The following SCD5 variants were observed in gnomAD, a reference collection of about 807,000 sequenced individuals.
SCD5 encodes the protein acyl-CoA-desaturase 4.
In SCD5, 20 loss-of-function variants were observed where a neutral mutation model predicts 30.4. The ratio of observed to expected loss-of-function variants is 0.66; its 90% CI spans 0.46 to 0.96. The LOEUF (loss-of-function observed/expected upper bound fraction) is 0.96, where lower values mean the gene tolerates loss of function less well. Ranked by LOEUF, SCD5 falls within the 40% of genes least tolerant of loss-of-function variation. The pLI, the probability that SCD5 is intolerant of heterozygous loss-of-function variation, is 0.00. For synonymous variants in SCD5, 173 were observed against 176.4 expected, an observed-to-expected ratio of 0.98 and a Z score of 0.16; for missense variants, 381 against 443.3, an observed-to-expected ratio of 0.86 and a Z score of 1.26.
In SCD5 at chr4:82,798,539, G is replaced by T. The variant is rs752361926; in HGVS notation, c.-2C>A. 1 of 1,580,422 alleles carries T rather than the reference G, an allele frequency of 6.3e-7. No individual in the cohort carries two copies. On this transcript the variant is annotated 5_prime_UTR_variant, in exon 1 of 5. Coordinates refer to ENST00000319540, the MANE Select transcript of SCD5 (RefSeq NM_001037582.3). ...CGCGTCGGTGGCCGGGCCTGGCATG[G>T]CTGGGCGAGGTGGGCGCCCGCAGCA...
intron 1 of SCD5, among the ~76,000 whole-genome samples, chr4:82,788,401 A>C (rs1006682051): frequency 5.9e-5 from 9 of 151,990 alleles, no homozygotes; most frequent in Non-Finnish European, 1.2e-4. Context: ...CTTTTTTTAA[A>C]ATCTTTTTTA....
At position 82,672,657 on chromosome 4, in the gene SCD5, T is replaced by G. The variant is rs139149557; in HGVS notation, c.569+8050A>C. ...TATAATTTCTAAAAGAGAGAATTTC[T>G]TTTTTAGAAAATAAAAGCAGAGGGA... On this transcript the variant is annotated intron_variant, in intron 3 of 4. Transcript: ENST00000319540. Among the ~76,000 whole-genome samples the G allele has an allele frequency of 3.7e-3, 567 of 152,250 alleles. 8 individuals are homozygous for G. The highest frequency in any genetic ancestry group is 0.013 in the African/African-American group (538 of 41,566).
rs529808205 is a variant in SCD5 at position 82,732,180 on chromosome 4, A to G, written c.233-26767T>C. ...CAGTGGTGTGATCTCAGCTCACTGCAACCTCTGCCTCCCGAGTTCAAGCGA... is the reference window on the plus strand; with the variant it reads ...CAGTGGTGTGATCTCAGCTCACTGCGACCTCTGCCTCCCGAGTTCAAGCGA... On this transcript the variant is annotated intron_variant, in intron 1 of 4. Transcript: ENST00000319540. Among the ~76,000 whole-genome samples the G allele has an allele frequency of 9.9e-5, 15 of 151,960 alleles. No homozygotes were observed. In the East Asian group the frequency reaches 2.5e-3, roughly 26 times the overall value.
intron 1 of SCD5, among the ~76,000 whole-genome samples, chr4:82,742,010 G>A (rs1176448892): frequency 6.6e-6 from 1 of 151,350 alleles, no homozygotes; most frequent in Non-Finnish European, 1.5e-5. Flanking sequence ...AAACCGGGAG[G>A]TGGAGCTTGC....
intron 1 of SCD5, among the ~76,000 whole-genome samples, chr4:82,739,110 C>T (rs1560549048): frequency 6.6e-6 from 1 of 152,168 alleles, no homozygotes; most frequent in Non-Finnish European, 1.5e-5. Context: ...GACTTTGGGG[C>T]CAAATGCAAA....
intron 1 of SCD5, among the ~76,000 whole-genome samples, chr4:82,743,738 T>C (rs1430460420): frequency 6.6e-6 from 1 of 151,658 alleles, no homozygotes; most frequent in Non-Finnish European, 1.5e-5. Context: ...CCCAGGCTAG[T>C]CTTGAACTCC....
At chr4:82,661,076 T>C (rs1394193908) in intron 3 of SCD5, 1 of 1,612,890 alleles carries the variant, frequency 6.2e-7, no homozygotes, top group East Asian at 2.2e-5. Context: ...ATGTGCTGTG[T>C]ACTGATAAAA....
intron 3 of SCD5, among the ~76,000 whole-genome samples, chr4:82,642,162 C>A (rs1727559394): frequency 6.6e-6 from 1 of 151,934 alleles, no homozygotes; most frequent in African/African-American, 2.4e-5. Context: ...TTTATAACCT[C>A]TTTTGCAGGA....
intron 1 of SCD5, among the ~76,000 whole-genome samples, chr4:82,722,353 T>C (rs1281518228): frequency 1.3e-5 from 2 of 152,204 alleles, no homozygotes; most frequent in African/African-American, 2.4e-5. Flanking sequence ...GAGTGGTTGG[T>C]TGTGAATATT....
At chr4:82,750,968 T>C (rs1721089958) in intron 1 of SCD5, among the ~76,000 whole-genome samples, 1 of 152,176 alleles carries the variant, frequency 6.6e-6, no homozygotes, top group South Asian at 2.1e-4. Context: ...TAGATCCGTG[T>C]TCCCTCCTCT....
At chr4:82,767,756 TA>T (rs1721525008) in intron 1 of SCD5, among the ~76,000 whole-genome samples, 1 of 152,192 alleles carries the variant, frequency 6.6e-6, no homozygotes, top group African/African-American at 2.4e-5. Flanking sequence ...TTTTCCTCTA[TA>T]TTTTTTGACA....
At chr4:82,750,999 C>T (rs1002897380) in intron 1 of SCD5, among the ~76,000 whole-genome samples, 1 of 152,170 alleles carries the variant, frequency 6.6e-6, no homozygotes, top group Non-Finnish European at 1.5e-5. Context: ...ACATATTAAC[C>T]TCTGTGACTA....
At chr4:82,731,976 C>T (rs1044016459) in intron 1 of SCD5, among the ~76,000 whole-genome samples, 2 of 152,190 alleles carry the variant, frequency 1.3e-5, no homozygotes, top group African/African-American at 4.8e-5. Flanking sequence ...CCTCACAATT[C>T]CAACCATGAA....
intron 1 of SCD5, among the ~76,000 whole-genome samples, chr4:82,770,508 G>A (rs1721597123): frequency 6.6e-6 from 1 of 152,004 alleles, no homozygotes; most frequent in Non-Finnish European, 1.5e-5. Flanking sequence ...GCATTTCTAG[G>A]GATTTCATCC....
chr4:82,786,206 C>T (rs1195575227), intron 1 of SCD5, among the ~76,000 whole-genome samples: 21 of 152,132 alleles, frequency 1.4e-4, no homozygotes, highest in Non-Finnish European at 2.1e-4. Flanking sequence ...TCTTACACAA[C>T]GGGTGGCCCA....
chr4:82,693,734 T>C (rs1310027659), intron 2 of SCD5, among the ~76,000 whole-genome samples: 1 of 152,134 alleles, frequency 6.6e-6, no homozygotes, highest in Non-Finnish European at 1.5e-5. Flanking sequence ...CCAGAGCCTC[T>C]GGTTCTGAGT....
intron 1 of SCD5, among the ~76,000 whole-genome samples, chr4:82,721,854 T>C (rs1371560642): frequency 6.6e-6 from 1 of 152,224 alleles, no homozygotes; most frequent in African/African-American, 2.4e-5. Flanking sequence ...ATGAAAGGAT[T>C]TGGGAGAAGT....
At chr4:82,693,062 G>C (rs1304498400) in intron 2 of SCD5, among the ~76,000 whole-genome samples, 1 of 152,176 alleles carries the variant, frequency 6.6e-6, no homozygotes, top group Non-Finnish European at 1.5e-5. Flanking sequence ...AGACACCCTG[G>C]TTGGATGGGG....
chr4:82,680,585 A>T, intron 3 of SCD5, 122 bp downstream of exon 3: 1 of 863,482 alleles, frequency 1.2e-6, no homozygotes, highest in Non-Finnish European at 1.8e-6. Context: ...TCTTATAAAT[A>T]TGGCAAAATT....
Sources: gnomAD v4.1 joint callset for allele counts (sites outside exome capture counted in the v4.1 genomes callset) on GRCh38, gnomAD v4.1.1 for gene constraint, MANE v1.5 for transcripts, NCBI Gene and HGNC (gene_info 2026-07-23, HGNC 2026-07-21) for gene names.